Variants in EFCAB6 observed in about 807,000 individuals in gnomAD.
The protein encoded by EFCAB6 is EF-hand calcium-binding domain-containing protein 6.
A neutral mutation model predicts 169.8 loss-of-function variants in EFCAB6; 156 were observed. The observed-to-expected ratio is 0.92, with a 90% CI of 0.81 to 1.05. The LOEUF is 1.05. Ranked by LOEUF, EFCAB6 falls within the 50% of genes least tolerant of loss-of-function variation. EFCAB6 has a pLI of 0.00. For missense variants in EFCAB6, 1,800 were observed against 1,829.1 expected, an observed-to-expected ratio of 0.98 and a Z score of 0.29; for synonymous variants, 698 against 676.4, an observed-to-expected ratio of 1.03 and a Z score of -0.50.
chr22:43,739,733 C>T (rs948316500), intron 6 of EFCAB6, among the ~76,000 whole-genome samples: 4 of 152,132 alleles, frequency 2.6e-5, no homozygotes, highest in Non-Finnish European at 4.4e-5. Context: ...GAGAGCCCAT[C>T]AGCCCCTCCC....
intron 8 of EFCAB6, among the ~76,000 whole-genome samples, chr22:43,730,038 C>T (rs1160596654): frequency 2.0e-5 from 3 of 149,798 alleles, no homozygotes; most frequent in African/African-American, 7.4e-5. Context: ...GTGGTGCATG[C>T]CTGTGGTCCC....
chr22:43,764,354 G>T (rs974368790), intron 5 of EFCAB6, among the ~76,000 whole-genome samples: 2 of 152,140 alleles, frequency 1.3e-5, no homozygotes, highest in African/African-American at 4.8e-5. Context: ...GCCTCCAGCT[G>T]CAAAAGACAT....
At chr22:43,735,833 C>G in intron 7 of EFCAB6, 24 bp downstream of exon 7, 3 of 1,611,386 alleles carry the variant, frequency 1.9e-6, no homozygotes, top group Non-Finnish European at 2.5e-6. Context: ...TGAGCAATCT[C>G]TCACCGTGCC....
chr22:43,601,517 G>A (rs2052522085), intron 22 of EFCAB6, among the ~76,000 whole-genome samples: 1 of 152,234 alleles, frequency 6.6e-6, no homozygotes, highest in Non-Finnish European at 1.5e-5. Context: ...GTCTGATGGA[G>A]TAGAAGTACA....
chr22:43,799,203 G>C (rs1327071890), intron 2 of EFCAB6, among the ~76,000 whole-genome samples: 1 of 151,942 alleles, frequency 6.6e-6, no homozygotes, highest in Non-Finnish European at 1.5e-5. Context: ...AGGGTGGTGT[G>C]CCTGCAGTCC....
intron 15 of EFCAB6, among the ~76,000 whole-genome samples, chr22:43,671,171 GT>G (rs1276693930): frequency 2.0e-5 from 3 of 152,058 alleles, no homozygotes; most frequent in African/African-American, 7.2e-5. Flanking sequence ...TGGTTTTTTT[GT>G]TTGTTTGGTT....
rs901789197 is a variant in EFCAB6 at position 43,755,607 on chromosome 22, G to A, written c.507+159C>T. Among the ~76,000 whole-genome samples, 11 of 152,136 alleles carry A rather than the reference G, an allele frequency of 7.2e-5. No individual in the cohort carries two copies. The East Asian group carries it at 1.3e-3, about 19-fold the overall frequency. ...CAAAGTAGTCGGAATACAAGCTTTC[G>A]CACTGGCTTGTTATCAGAAGATCTA... On this transcript the variant is annotated intron_variant, in intron 6 of 31. Transcript: ENST00000262726.
intron 8 of EFCAB6, among the ~76,000 whole-genome samples, chr22:43,722,149 C>T (rs998349635): frequency 1.3e-5 from 2 of 152,014 alleles, no homozygotes; most frequent in South Asian, 2.1e-4. Flanking sequence ...TGAAAAAATG[C>T]TCATAATCAC....
intron 17 of EFCAB6, among the ~76,000 whole-genome samples, chr22:43,644,638 A>G (rs16990870): frequency 0.015 from 2,212 of 152,344 alleles, 51 homozygotes; most frequent in African/African-American, 0.051. Flanking sequence ...TAGCAATCAC[A>G]AAGTCGAAAA....
At chr22:43,771,445 TTA>T (rs1266040353) in intron 4 of EFCAB6, among the ~76,000 whole-genome samples, 1 of 151,916 alleles carries the variant, frequency 6.6e-6, no homozygotes, top group East Asian at 1.9e-4. Flanking sequence ...AAAAAATAAA[TTA>T]ATTAATTAAT....
At chr22:43,615,961 T>A in intron 20 of EFCAB6, 39 bp from the exon 21 acceptor site, 1 of 1,542,972 alleles carries the variant, frequency 6.5e-7, no homozygotes, top group Non-Finnish European at 8.8e-7. Context: ...GTGTTTAAAT[T>A]TAATGGGCTC....
At position 43,545,198 on chromosome 22, in the gene EFCAB6, A is replaced by C. The variant is rs557368883; in HGVS notation, c.3649-4841T>G. Among the ~76,000 whole-genome samples, 4 of 152,216 alleles carry C rather than the reference A, an allele frequency of 2.6e-5. No individual in the cohort carries two copies. The South Asian group carries it at 8.3e-4, about 32-fold the overall frequency. On this transcript the variant is annotated intron_variant, in intron 27 of 31. Transcript: ENST00000262726. ...TGTCTGAATTCAGACATGAAAACAG[A>C]CATGATTATGTCTTTTTCAATGGTG... is the stretch of plus-strand genomic sequence containing the variant.
chr22:43,767,494 G>A (rs1191585537), intron 4 of EFCAB6, among the ~76,000 whole-genome samples: 2 of 152,232 alleles, frequency 1.3e-5, no homozygotes, highest in African/African-American at 2.4e-5. Context: ...AAGAGGAAAT[G>A]AGGAAGAGAA....
chr22:43,648,989 G>A (rs1232078435), intron 17 of EFCAB6, among the ~76,000 whole-genome samples: 1 of 152,182 alleles, frequency 6.6e-6, no homozygotes, highest in Non-Finnish European at 1.5e-5. Context: ...AGGGGAAAGA[G>A]TGTCCTCAGG....
chr22:43,778,737 T>C (rs2061716532), intron 3 of EFCAB6, among the ~76,000 whole-genome samples: 1 of 152,176 alleles, frequency 6.6e-6, no homozygotes, highest in South Asian at 2.1e-4. Flanking sequence ...CAAATTTAAC[T>C]AAAACTGCAA....
rs182274567 is a variant in EFCAB6, at chr22:43,620,968, T to G, written c.2466-5046A>C. 4.3e-3 allele frequency among the ~76,000 whole-genome samples: 653 copies of G among 152,126 alleles called. 4 individuals are homozygous for G. Among genetic ancestry groups the G allele is most frequent in the Middle Eastern group, 0.034 (10 of 294 alleles). ...AGAATATTTACCAAGACAGACCATA[T>G]CCAGGGTCATAAAACAAACCTTAAC... On this transcript the variant is annotated intron_variant, in intron 20 of 31. Coordinates refer to ENST00000262726, the MANE Select transcript of EFCAB6 (RefSeq NM_022785.4).
intron 27 of EFCAB6, among the ~76,000 whole-genome samples, chr22:43,547,965 G>A (rs60413865): frequency 0.039 from 5,892 of 151,272 alleles, 124 homozygotes; most frequent in African/African-American, 0.051. Context: ...ATGTGGTGGC[G>A]GGCGCCTATA....
chr22:43,731,608 G>T, intron 8 of EFCAB6, 91 bp downstream of exon 8: 1 of 674,196 alleles, frequency 1.5e-6, no homozygotes, highest in Non-Finnish European at 2.3e-6. Context: ...TCCTATATTT[G>T]AAAGTATTTC....
At chr22:43,716,002 AT>A (rs1483417021) in intron 9 of EFCAB6, among the ~76,000 whole-genome samples, 1 of 152,190 alleles carries the variant, frequency 6.6e-6, no homozygotes, top group African/African-American at 2.4e-5. Context: ...AGTTTATCAT[AT>A]GTTTATACAA....
Sources: allele counts gnomAD v4.1 joint callset (sites outside exome capture counted in the v4.1 genomes callset), GRCh38; gene constraint gnomAD v4.1.1; transcripts MANE v1.5; gene names NCBI Gene and HGNC (gene_info 2026-07-23, HGNC 2026-07-21).